The following IL21R variants were observed in gnomAD, a reference collection of about 807,000 sequenced individuals.
The protein encoded by IL21R is interleukin-21 receptor.
A neutral mutation model predicts 41.3 loss-of-function variants in IL21R; 14 were observed. The ratio of observed to expected loss-of-function variants is 0.34; its 90% CI spans 0.22 to 0.53. The LOEUF is 0.53. Among genes scored for constraint, IL21R ranks in the 20% least tolerant of loss-of-function variants. IL21R has a pLI of 0.94. For synonymous variants in IL21R, 286 were observed against 287.6 expected, an observed-to-expected ratio of 0.99 and a Z score of 0.05; for missense variants, 588 against 681.6, an observed-to-expected ratio of 0.86 and a Z score of 1.53.
chr16:27,420,388 G>A (rs2086980289), intron 1 of IL21R, among the ~76,000 whole-genome samples: 1 of 152,244 alleles, frequency 6.6e-6, no homozygotes, highest in South Asian at 2.1e-4. Context: ...GCACGTGACT[G>A]TATTTAACAT....
chr16:27,426,715 T>G (rs2087084092), intron 1 of IL21R, among the ~76,000 whole-genome samples: 1 of 152,234 alleles, frequency 6.6e-6, no homozygotes, highest in Admixed American at 6.5e-5. Context: ...TGAGCACTAT[T>G]GTCCCCATTT....
At chr16:27,432,365 C>T (rs1435548696) in intron 2 of IL21R, among the ~76,000 whole-genome samples, 9 of 152,190 alleles carry the variant, frequency 5.9e-5, no homozygotes, top group South Asian at 4.1e-4. Flanking sequence ...CTACTTTGTG[C>T]ACCTCTCACT....
At chr16:27,428,623 C>T (rs1383795024) in intron 1 of IL21R, among the ~76,000 whole-genome samples, 1 of 152,252 alleles carries the variant, frequency 6.6e-6, no homozygotes, top group African/African-American at 2.4e-5. Flanking sequence ...GTGAAACAGA[C>T]AAGTCCCAGG....
At chr16:27,442,721 G>A (rs1052678442) in intron 4 of IL21R, 14 of 346,478 alleles carry the variant, frequency 4.0e-5, no homozygotes, top group African/African-American at 2.3e-4. Context: ...TGACCTGCCC[G>A]CCCCTGAGTT....
chr16:27,429,199 G>A (rs2141282393), intron 1 of IL21R, among the ~76,000 whole-genome samples: 1 of 152,040 alleles, frequency 6.6e-6, no homozygotes, highest in East Asian at 1.9e-4. Context: ...ACTCCAGCCT[G>A]GGCGATAGAG....
chr16:27,417,622 G>T (rs1008050069), intron 1 of IL21R, among the ~76,000 whole-genome samples: 1 of 150,138 alleles, frequency 6.7e-6, no homozygotes, highest in Non-Finnish European at 1.5e-5. Context: ...AACCTAGGTG[G>T]TATAGCCTAC....
rs141625630 is a variant in IL21R, at chr16:27,449,108, C to A, written c.1442C>A (p.Pro481His). 1 of 1,613,342 alleles carries A rather than the reference C, an allele frequency of 6.2e-7. No individual in the cohort carries two copies. The highest frequency in any genetic ancestry group is 8.5e-7 in the Non-Finnish European group (1 of 1,179,990). ...GTCTCAGAGAGTGAGGCGGGCTCAC[C>A]CCTGGCCGGCCTGGATATGGACACG... The part of the protein sequence containing the change: ...GGVSESEAGS[P>H]LAGLDMDTFD... Residue 481 changes from proline to histidine, a missense_variant, in exon 9 of 9, where the codon CCC becomes CAC. Coordinates refer to ENST00000337929, the MANE Select transcript of IL21R (RefSeq NM_181078.3).
chr16:27,429,068 A>C (rs2087123858), intron 1 of IL21R, among the ~76,000 whole-genome samples: 1 of 152,094 alleles, frequency 6.6e-6, no homozygotes, highest in Non-Finnish European at 1.5e-5. Context: ...TACTAAAAAT[A>C]CAAAAATTAG....
chr16:27,439,552 ACT>A (rs548407351), intron 4 of IL21R, among the ~76,000 whole-genome samples: 47 of 149,656 alleles, frequency 3.1e-4, no homozygotes, highest in East Asian at 3.0e-3. Flanking sequence ...ATACTCATAC[ACT>A]CTCACATCAC....
chr16:27,448,842 C>A lies in IL21R; in HGVS notation c.1176C>A (p.Cys392Ter), dbSNP rs1248464488. ...CAGAGGGGCCATGCACCTGGCCCTG[C>A]AGCTGTGAGGATGACGGCTACCCAG... ...LDAEGPCTWP[C>*]SCEDDGYPAL... The change falls in exon 9 of 9, where the codon TGC (cysteine) becomes TGA (stop). Residue 392 changes from cysteine to a stop codon, truncating the protein, a stop_gained. Coordinates refer to ENST00000337929, the MANE Select transcript of IL21R (RefSeq NM_181078.3). LOFTEE classifies it low-confidence loss of function (END_TRUNC). 1 of 1,613,180 alleles carries A rather than the reference C, an allele frequency of 6.2e-7. No homozygotes were observed. The highest frequency in any genetic ancestry group is 8.5e-7 in the Non-Finnish European group (1 of 1,179,990).
At chr16:27,442,171 GTGCATGTGTGT>G (rs1198183349) in intron 4 of IL21R, among the ~76,000 whole-genome samples, 3 of 152,112 alleles carry the variant, frequency 2.0e-5, no homozygotes, top group African/African-American at 4.8e-5. Flanking sequence ...TGCTGTGCGT[GTGCATGTGTGT>G]TGCATGTGTA....
In IL21R at chr16:27,434,546, T is replaced by C. The variant is rs3093325; in HGVS notation, c.152+97T>C. On this transcript the variant is annotated intron_variant, in intron 3 of 8. Coordinates refer to ENST00000337929, the MANE Select transcript of IL21R (RefSeq NM_181078.3). ...ACACTGTGCACTGAGGACCACTGTGTCCGCCTTTCAGACAACCACTCAGGG... is the reference window on the plus strand; with the variant it reads ...ACACTGTGCACTGAGGACCACTGTGCCCGCCTTTCAGACAACCACTCAGGG... 7.3e-3 allele frequency: 5,689 copies of C among 777,940 alleles called. 189 individuals carry two copies. In the African/African-American group the frequency reaches 0.081, roughly 11 times the overall value. 48.2% of individuals were successfully genotyped at this position (777,940 alleles called of 1,614,324 possible).
chr16:27,403,408 A>T (rs1241137458), intron 1 of IL21R, among the ~76,000 whole-genome samples: 1 of 152,186 alleles, frequency 6.6e-6, no homozygotes, highest in Non-Finnish European at 1.5e-5. Context: ...GGTGCGGGAC[A>T]TTCAAAGCCA....
At chr16:27,429,061 TAAAAATACA>T (rs1334402757) in intron 1 of IL21R, among the ~76,000 whole-genome samples, 1 of 151,942 alleles carries the variant, frequency 6.6e-6, no homozygotes, top group African/African-American at 2.4e-5. Flanking sequence ...CTGTCTCTAC[TAAAAATACA>T]AAAATTAGCC....
chr16:27,407,554 G>A (rs915533666), intron 1 of IL21R, among the ~76,000 whole-genome samples: 3 of 152,218 alleles, frequency 2.0e-5, no homozygotes, highest in South Asian at 2.1e-4. Flanking sequence ...GGCCAGGTGC[G>A]GTGGCTCATG....
intron 1 of IL21R, among the ~76,000 whole-genome samples, chr16:27,412,007 T>A (rs1432277639): frequency 6.6e-6 from 1 of 152,250 alleles, no homozygotes; most frequent in Non-Finnish European, 1.5e-5. Flanking sequence ...AAGAAATCAT[T>A]GCCCATTCCA....
intron 1 of IL21R, among the ~76,000 whole-genome samples, chr16:27,425,286 G>A (rs1434733129): frequency 6.6e-6 from 1 of 152,252 alleles, no homozygotes; most frequent in Non-Finnish European, 1.5e-5. Flanking sequence ...CCCAAAAGGG[G>A]ATGGATTCGG....
At chr16:27,432,729 C>T (rs1220733687) in intron 2 of IL21R, among the ~76,000 whole-genome samples, 1 of 152,224 alleles carries the variant, frequency 6.6e-6, no homozygotes, top group Non-Finnish European at 1.5e-5. Context: ...ACTCCACCGA[C>T]AAGTTCTGTG....
rs2087225899 is a variant in IL21R, at chr16:27,434,266, C to T, written c.50-81C>T. ...GGGACCCCTGCACCCATTCTTCCTC[C>T]AGCCCTCGAGGGGATGGAGAGGAAG... is the stretch of plus-strand genomic sequence containing the variant. On this transcript the variant is annotated intron_variant, in intron 2 of 8. Transcript: ENST00000337929. 3 of 903,436 alleles carry T rather than the reference C, an allele frequency of 3.3e-6. No individual in the cohort carries two copies. The South Asian group carries it at 4.1e-5, about 12-fold the overall frequency. The allele number at this position is 903,436 out of a possible 1,614,324, so 56.0% of individuals were successfully genotyped here. A position where few individuals can be genotyped will look rare whatever the true frequency, so the allele number is the denominator to read the frequency against.
Sources: gnomAD v4.1 joint callset for allele counts (sites outside exome capture counted in the v4.1 genomes callset) on GRCh38, gnomAD v4.1.1 for gene constraint, MANE v1.5 for transcripts, NCBI Gene and HGNC (gene_info 2026-07-23, HGNC 2026-07-21) for gene names.